The following RIMS1 variants were observed in gnomAD, a reference collection of about 807,000 sequenced individuals.
RIMS1 encodes regulating synaptic membrane exocytosis 1, also known as regulating synaptic membrane exocytosis protein 1.
A neutral mutation model predicts 214.1 loss-of-function variants in RIMS1; 83 were observed. That is an observed-to-expected ratio of 0.39 (90% CI 0.32 to 0.47). The LOEUF (loss-of-function observed/expected upper bound fraction) is 0.47. Ranked by LOEUF, RIMS1 falls within the 20% of genes least tolerant of loss-of-function variation. RIMS1 has a pLI of 0.99. For synonymous variants in RIMS1, 793 were observed against 786.8 expected, an observed-to-expected ratio of 1.01 and a Z score of -0.13; for missense variants, 2,050 against 2,161.8, an observed-to-expected ratio of 0.95 and a Z score of 1.03.
chr6:72,371,247 G>A (rs1045521315), intron 29 of RIMS1, among the ~76,000 whole-genome samples: 3 of 152,076 alleles, frequency 2.0e-5, no homozygotes, highest in Admixed American at 2.0e-4. Flanking sequence ...TTTCACCTAT[G>A]TGTGACATCC....
At chr6:72,303,067 T>A (rs1430111723) in intron 26 of RIMS1, among the ~76,000 whole-genome samples, 3 of 150,932 alleles carry the variant, frequency 2.0e-5, no homozygotes, top group African/African-American at 7.3e-5. Context: ...TTATGAATAT[T>A]TTAAATATAT....
At chr6:72,383,573 A>T (rs10943010) in intron 29 of RIMS1, among the ~76,000 whole-genome samples, 24,866 of 149,116 alleles carry the variant, frequency 0.17, 2,566 homozygotes, top group Non-Finnish European at 0.23. Flanking sequence ...CAGGGGTTGA[A>T]GACCAGCCTG....
intron 2 of RIMS1, among the ~76,000 whole-genome samples, chr6:72,093,837 A>C (rs2030124232): frequency 6.6e-6 from 1 of 152,090 alleles, no homozygotes; most frequent in Admixed American, 6.6e-5. Flanking sequence ...GTGAATACCT[A>C]ACTAAAATTT....
At chr6:72,319,373 T>C (rs1593296964) in intron 28 of RIMS1, among the ~76,000 whole-genome samples, 1 of 152,112 alleles carries the variant, frequency 6.6e-6, no homozygotes, top group African/African-American at 2.4e-5. Context: ...GAGGTAAAGG[T>C]TGATACAGCT....
intron 4 of RIMS1, among the ~76,000 whole-genome samples, chr6:72,168,974 C>G (rs990884930): frequency 2.0e-5 from 3 of 152,066 alleles, no homozygotes; most frequent in African/African-American, 7.2e-5. Context: ...TTAACTAAAA[C>G]AAGAAGTACT....
chr6:71,898,540 G>T (rs72932121), intron 1 of RIMS1, among the ~76,000 whole-genome samples: 1 of 152,200 alleles, frequency 6.6e-6, no homozygotes, highest in East Asian at 1.9e-4. Context: ...TCAGAATTAG[G>T]CTGAGTTGAG....
At chr6:72,262,659 C>T (rs2078571188) in intron 19 of RIMS1, 1 of 863,244 alleles carries the variant, frequency 1.2e-6, no homozygotes, top group African/African-American at 1.8e-5. Flanking sequence ...TAATTTATAT[C>T]TGTATAAAAA....
intron 1 of RIMS1, among the ~76,000 whole-genome samples, chr6:71,947,793 C>T (rs528062120): frequency 5.3e-5 from 8 of 152,084 alleles, no homozygotes; most frequent in African/African-American, 1.9e-4. Flanking sequence ...AAACCATAAA[C>T]ATGTACAATT....
chr6:72,315,706 C>T (rs1337386868), intron 28 of RIMS1, among the ~76,000 whole-genome samples: 2 of 152,118 alleles, frequency 1.3e-5, no homozygotes, highest in Admixed American at 1.3e-4. Flanking sequence ...CACACACACA[C>T]ACAGAGACAC....
intron 1 of RIMS1, among the ~76,000 whole-genome samples, chr6:71,915,041 G>GT (rs1017378414): frequency 2.0e-5 from 3 of 152,012 alleles, no homozygotes; most frequent in Non-Finnish European, 4.4e-5. Flanking sequence ...TGAGGAGCTT[G>GT]TTTTTTTATA....
intron 23 of RIMS1, 21 bp downstream of exon 23, chr6:72,274,453 A>C: frequency 6.3e-6 from 10 of 1,588,550 alleles, no homozygotes; most frequent in Non-Finnish European, 8.6e-6. Context: ...ACTCCTCCTC[A>C]CAGACAAGTG....
chr6:72,243,752 AAATT>A (rs959790787), intron 10 of RIMS1, among the ~76,000 whole-genome samples: 23 of 151,886 alleles, frequency 1.5e-4, no homozygotes, highest in African/African-American at 5.3e-4. Context: ...CTTTTTATGA[AAATT>A]AATTAAGAAG....
chr6:72,268,227 A>G (rs2081459240), intron 22 of RIMS1, among the ~76,000 whole-genome samples: 1 of 152,110 alleles, frequency 6.6e-6, no homozygotes, highest in South Asian at 2.1e-4. Flanking sequence ...TGACTTTGTT[A>G]TCTTTGGAGA....
At chr6:72,313,453 T>C (rs1370698479) in intron 27 of RIMS1, 53 bp from the exon 28 acceptor site, 1 of 1,546,480 alleles carries the variant, frequency 6.5e-7, no homozygotes, top group Non-Finnish European at 8.9e-7. Context: ...ACCATCTATG[T>C]TTTTTCCATT....
At chr6:72,301,262 A>G (rs2094574203) in intron 26 of RIMS1, among the ~76,000 whole-genome samples, 1 of 151,758 alleles carries the variant, frequency 6.6e-6, no homozygotes, top group Non-Finnish European at 1.5e-5. Context: ...TTATTCCAAG[A>G]AAGTGTGCCA....
At chr6:72,247,655 A>G (rs2070808965) in intron 11 of RIMS1, among the ~76,000 whole-genome samples, 1 of 152,090 alleles carries the variant, frequency 6.6e-6, no homozygotes. Flanking sequence ...TTAATTTCTC[A>G]GTAAGGACAG....
chr6:72,120,912 C>T (rs188352005), intron 4 of RIMS1, among the ~76,000 whole-genome samples: 22 of 151,980 alleles, frequency 1.4e-4, no homozygotes, highest in African/African-American at 4.8e-4. Context: ...AATAGGGAAT[C>T]GTTTCCCCAT....
intron 2 of RIMS1, among the ~76,000 whole-genome samples, chr6:72,022,371 T>C (rs1814975924): frequency 6.6e-6 from 1 of 152,186 alleles, no homozygotes; most frequent in Non-Finnish European, 1.5e-5. Flanking sequence ...TTATCATTAT[T>C]ATATTTGCCA....
At chr6:72,346,321 A>G (rs185319215) in intron 29 of RIMS1, among the ~76,000 whole-genome samples, 1 of 151,934 alleles carries the variant, frequency 6.6e-6, no homozygotes, top group East Asian at 1.9e-4. Flanking sequence ...TTATCTGTTC[A>G]TTACATGTAG....
Sources: gnomAD v4.1 joint callset for allele counts (sites outside exome capture counted in the v4.1 genomes callset) on GRCh38, gnomAD v4.1.1 for gene constraint, MANE v1.5 for transcripts, NCBI Gene and HGNC (gene_info 2026-07-23, HGNC 2026-07-21) for gene names.